ARHGEF12: variants seen among roughly 807,000 people sequenced by gnomAD.
ARHGEF12 encodes KMT2A/ARHGEF12 fusion protein.
Under a neutral mutation model 211.2 loss-of-function variants are expected in ARHGEF12, and 66 were observed. The ratio of observed to expected loss-of-function variants is 0.31; its 90% CI spans 0.26 to 0.38. ARHGEF12 has a LOEUF of 0.38. Among genes scored for constraint, ARHGEF12 ranks in the 10% least tolerant of loss-of-function variants. The probability of loss-of-function intolerance (pLI) is 1.00; values close to 1 mark genes in which losing one functional copy is unlikely to be tolerated. For missense variants in ARHGEF12, 1,429 were observed against 1,869.5 expected (o/e 0.76, Z 4.34); for synonymous variants, 592 against 638.4 (o/e 0.93, Z 1.09).
chr11:120,362,900 A>T lies in ARHGEF12; in HGVS notation c.32+25625A>T, dbSNP rs867125426. On this transcript the variant is annotated intron_variant, in intron 1 of 40. Transcript: ENST00000397843. ...CGGATCATGAGGTCAGGAGATCGAG[A>T]CCATCCTGACTAACACAGTGAAACC... Among the ~76,000 whole-genome samples the T allele has an allele frequency of 3.9e-5, 6 of 152,138 alleles. 1 individual carries two copies. In the South Asian group the frequency reaches 6.2e-4, roughly 16 times the overall value.
chr11:120,388,260 C>T (rs1190648092), intron 1 of ARHGEF12, among the ~76,000 whole-genome samples: 1 of 152,134 alleles, frequency 6.6e-6, no homozygotes, highest in Non-Finnish European at 1.5e-5. Flanking sequence ...TTTTACTCTG[C>T]ATAATTATTT....
chr11:120,386,045 A>C (rs1033912416), intron 1 of ARHGEF12, among the ~76,000 whole-genome samples: 1 of 152,136 alleles, frequency 6.6e-6, no homozygotes, highest in African/African-American at 2.4e-5. Flanking sequence ...ATATATAATC[A>C]TTGGAAAAGG....
At chr11:120,426,804 A>G (rs1291723751) in intron 7 of ARHGEF12, among the ~76,000 whole-genome samples, 1 of 152,184 alleles carries the variant, frequency 6.6e-6, no homozygotes, top group East Asian at 1.9e-4. Flanking sequence ...TAAAAGTTCT[A>G]TTGAAATATC....
At chr11:120,434,013 T>C (rs1211401454) in intron 11 of ARHGEF12, among the ~76,000 whole-genome samples, 1 of 152,106 alleles carries the variant, frequency 6.6e-6, no homozygotes, top group South Asian at 2.1e-4. Context: ...GGCATTCCAA[T>C]CAATTAAGAC....
chr11:120,445,487 C>A (rs1265877020), intron 16 of ARHGEF12, 23 bp downstream of exon 16: 1 of 1,611,266 alleles, frequency 6.2e-7, no homozygotes, highest in East Asian at 2.2e-5. Flanking sequence ...CACTAACATC[C>A]TGGAGAATTA....
At chr11:120,477,607 G>A in intron 36 of ARHGEF12, 81 bp downstream of exon 36, 1 of 1,337,978 alleles carries the variant, frequency 7.5e-7, no homozygotes, top group Non-Finnish European at 1.1e-6. Flanking sequence ...GCTCATGCCT[G>A]TAATCCCAGT....
chr11:120,406,716 G>C (rs951841506), intron 2 of ARHGEF12, among the ~76,000 whole-genome samples: 1 of 151,950 alleles, frequency 6.6e-6, no homozygotes, highest in Admixed American at 6.6e-5. Context: ...CCGCCACCAC[G>C]CCTGGCTAAT....
intron 1 of ARHGEF12, among the ~76,000 whole-genome samples, chr11:120,353,854 T>C: frequency 6.6e-6 from 1 of 152,178 alleles, no homozygotes; most frequent in Non-Finnish European, 1.5e-5. Context: ...GTTACCTGTT[T>C]ATGCATTTCA....
chr11:120,352,831 T>A (rs1943024977), intron 1 of ARHGEF12, among the ~76,000 whole-genome samples: 2 of 152,240 alleles, frequency 1.3e-5, no homozygotes, highest in Non-Finnish European at 2.9e-5. Flanking sequence ...CACAGTGCTC[T>A]GGGCAGATAA....
chr11:120,389,508 A>T (rs1348547603), intron 1 of ARHGEF12, among the ~76,000 whole-genome samples: 1 of 152,086 alleles, frequency 6.6e-6, no homozygotes, highest in East Asian at 1.9e-4. Context: ...GTATTTATGG[A>T]TTACATCAGA....
rs1283735720 is a variant in ARHGEF12 at position 120,449,106 on chromosome 11, T to C, written c.1738-3T>C. 2 of 1,613,240 alleles carry C rather than the reference T, an allele frequency of 1.2e-6. No homozygotes were observed. Among genetic ancestry groups the C allele is most frequent in the Admixed American group, 3.3e-5 (2 of 59,922 alleles). Reference sequence around the variant, plus strand: ...TCTCTTATTTTTTGTACTTCAACTCTAGCAAAGTATGAAGAAAGATAAAGA... The same window carrying C: ...TCTCTTATTTTTTGTACTTCAACTCCAGCAAAGTATGAAGAAAGATAAAGA... On this transcript the variant is annotated splice_polypyrimidine_tract_variant and splice_region_variant and intron_variant, in intron 20 of 40. Transcript: ENST00000397843.
rs12288900 is a variant in ARHGEF12 at position 120,421,141 on chromosome 11, A to G, written c.298+290A>G. Among the ~76,000 whole-genome samples, 787 of 152,314 alleles carry G rather than the reference A, an allele frequency of 5.2e-3. 5 individuals carry two copies. The highest frequency in any genetic ancestry group is 0.018 in the African/African-American group (767 of 41,576). On this transcript the variant is annotated intron_variant, in intron 5 of 40. Transcript: ENST00000397843. ...AAAGTTTCTGAAATTTCAGTTTTCC[A>G]TGGCACCACTGATATTTTGGCAAAG...
In ARHGEF12 at chr11:120,442,163, C is replaced by T. The variant is rs200039833; in HGVS notation, c.1263C>T (p.Ile421=). 53 of 1,610,796 alleles carry T rather than the reference C, an allele frequency of 3.3e-5. No homozygotes were observed. The African/African-American group carries it at 5.6e-4, about 17-fold the overall frequency. ...KHTNSKETRR[I]FLEFHQFFLD... ...CCAATTCCAAAGAAACTCGTCGCAT[C>T]TTCCTTGAGTTTCATCAGTTCTTTC... The change falls in exon 15 of 41, where the codon ATC becomes ATT. Residue 421 remains isoleucine, a synonymous_variant. Coordinates refer to ENST00000397843, the MANE Select transcript of ARHGEF12 (RefSeq NM_015313.3).
rs571527524 is a variant in ARHGEF12, at chr11:120,406,046, G to T, written c.33-72G>T. The T allele has an allele frequency of 3.8e-5, 44 of 1,145,284 alleles. No homozygotes were observed. The African/African-American group carries it at 5.9e-4, about 15-fold the overall frequency. The allele number at this position is 1,145,284 out of a possible 1,614,324, so 70.9% of individuals were successfully genotyped here. A position where few individuals can be genotyped will look rare whatever the true frequency, so the allele number is the denominator to read the frequency against. ...TAAATCTCTTATTCTGGTTCAGTAG[G>T]ATGAATAAATTTAGTAACAAAATCT... On this transcript the variant is annotated intron_variant, in intron 1 of 40. Coordinates refer to ENST00000397843, the MANE Select transcript of ARHGEF12 (RefSeq NM_015313.3).
At chr11:120,425,282 T>C (rs1458321478) in intron 7 of ARHGEF12, among the ~76,000 whole-genome samples, 2 of 152,156 alleles carry the variant, frequency 1.3e-5, no homozygotes, top group Non-Finnish European at 2.9e-5. Flanking sequence ...TTTGGTTTCA[T>C]TTTGTTGTTA....
chr11:120,427,820 T>C (rs1014493429), intron 7 of ARHGEF12, among the ~76,000 whole-genome samples: 2 of 152,168 alleles, frequency 1.3e-5, no homozygotes, highest in South Asian at 2.1e-4. Context: ...TTAAGTAATA[T>C]CTGATCTTAC....
At chr11:120,347,246 T>TTCTCTC (rs36062191) in intron 1 of ARHGEF12, among the ~76,000 whole-genome samples, 1 of 130,380 alleles carries the variant, frequency 7.7e-6, no homozygotes, top group African/African-American at 2.9e-5. Context: ...CTCTCTCTGT[T>TTCTCTC]TCTCTCTCTC....
intron 15 of ARHGEF12, among the ~76,000 whole-genome samples, chr11:120,444,384 T>G (rs1361133880): frequency 6.6e-6 from 1 of 152,224 alleles, no homozygotes; most frequent in Non-Finnish European, 1.5e-5. Context: ...TTGCTAATTA[T>G]ACTTTTATGC....
chr11:120,395,177 A>G (rs1302644991), intron 1 of ARHGEF12, among the ~76,000 whole-genome samples: 1 of 151,948 alleles, frequency 6.6e-6, no homozygotes, highest in Non-Finnish European at 1.5e-5. Context: ...TATATATACA[A>G]TATGTAAATA....
Sources: allele counts gnomAD v4.1 joint callset (sites outside exome capture counted in the v4.1 genomes callset), GRCh38; gene constraint gnomAD v4.1.1; transcripts MANE v1.5; gene names NCBI Gene and HGNC (gene_info 2026-07-23, HGNC 2026-07-21).